The following SDK1 variants were observed in gnomAD, a reference collection of about 807,000 sequenced individuals.
The protein encoded by SDK1 is protein sidekick-1.
Under a neutral mutation model 245.5 loss-of-function variants are expected in SDK1, and 157 were observed. That is an observed-to-expected ratio of 0.64 (90% CI 0.56 to 0.73). The LOEUF (loss-of-function observed/expected upper bound fraction) is 0.73. Among genes scored for constraint, SDK1 ranks in the 30% least tolerant of loss-of-function variants. The probability of loss-of-function intolerance (pLI) is 0.00; values close to 1 mark genes in which losing one functional copy is unlikely to be tolerated. For missense variants in SDK1, 3,583 were observed against 3,002.3 expected, an observed-to-expected ratio of 1.19 and a Z score of -4.52; for synonymous variants, 1,647 against 1,278.5, an observed-to-expected ratio of 1.29 and a Z score of -6.15.
rs182006976 is a variant in SDK1 at position 4,173,538 on chromosome 7, A to G, written c.4801-684A>G. Among the ~76,000 whole-genome samples the G allele has an allele frequency of 5.7e-4, 87 of 152,302 alleles. 2 individuals are homozygous for G. Among genetic ancestry groups the G allele is most frequent in the Non-Finnish European group, 1.1e-3 (76 of 68,024 alleles). ...ACTTCCTTATCTGCCTGTGCTCCCT[A>G]TTCCATGGGAGTCTAATGTGTGTCT... On this transcript the variant is annotated intron_variant, in intron 32 of 44. Transcript: ENST00000404826.
chr7:3,656,519 A>G (rs1402771484), intron 4 of SDK1, among the ~76,000 whole-genome samples: 2 of 152,294 alleles, frequency 1.3e-5, no homozygotes, highest in East Asian at 3.9e-4. Flanking sequence ...TGCTGGAGTC[A>G]AAAATTAAGA....
chr7:4,145,607 G>C (rs1779912239), intron 28 of SDK1, 115 bp from the exon 29 acceptor site: 3 of 914,028 alleles, frequency 3.3e-6, no homozygotes, highest in African/African-American at 1.7e-5. Context: ...GTGACCTCCA[G>C]AGACGGGGAA....
chr7:3,835,086 T>C (rs1362476763), intron 5 of SDK1, among the ~76,000 whole-genome samples: 1 of 152,156 alleles, frequency 6.6e-6, no homozygotes, highest in East Asian at 1.9e-4. Flanking sequence ...ACTTCACATA[T>C]CACAGTTGAT....
intron 1 of SDK1, among the ~76,000 whole-genome samples, chr7:3,544,489 T>C (rs1399488419): frequency 6.6e-6 from 1 of 152,172 alleles, no homozygotes; most frequent in Non-Finnish European, 1.5e-5. Context: ...TCACTTCTGC[T>C]CTCTTGGCTT....
chr7:4,238,105 A>C (rs1373036120), intron 42 of SDK1, among the ~76,000 whole-genome samples: 1 of 150,346 alleles, frequency 6.7e-6, no homozygotes, highest in South Asian at 2.1e-4. Flanking sequence ...TTTTTTTTAC[A>C]GTCTCACTCT....
At chr7:3,958,787 G>C (rs1416714869) in intron 7 of SDK1, 144 bp from the exon 8 acceptor site, 2 of 702,232 alleles carry the variant, frequency 2.8e-6, no homozygotes, top group East Asian at 5.1e-5. Context: ...TGCTCACTGA[G>C]TTCTGAGTTT....
At chr7:3,914,211 G>T (rs1385436233) in intron 5 of SDK1, among the ~76,000 whole-genome samples, 4 of 152,160 alleles carry the variant, frequency 2.6e-5, no homozygotes, top group Non-Finnish European at 4.4e-5. Context: ...AGTTGCTGCT[G>T]CAATATGCTT....
chr7:4,061,654 A>G (rs1199735843), intron 19 of SDK1, among the ~76,000 whole-genome samples: 1 of 152,154 alleles, frequency 6.6e-6, no homozygotes, highest in Non-Finnish European at 1.5e-5. Flanking sequence ...ATGACTATAA[A>G]TCATGCTGCT....
chr7:3,748,480 G>T lies in SDK1; in HGVS notation c.714-72970G>T, dbSNP rs941013395. On this transcript the variant is annotated intron_variant, in intron 4 of 44. Transcript: ENST00000404826. The stretch of plus-strand genomic sequence containing the variant: ...TAAATGGCGAGTAGTCAGGTCCAGT[G>T]TTGGCTTTTGTCCCTGTGAGGTCTC... Among the ~76,000 whole-genome samples, 4 of 152,208 alleles carry T rather than the reference G, an allele frequency of 2.6e-5. No individual in the cohort carries two copies. In the East Asian group the frequency reaches 7.7e-4, roughly 29 times the overall value.
At chr7:4,086,907 A>G (rs886969388) in intron 22 of SDK1, among the ~76,000 whole-genome samples, 1 of 152,070 alleles carries the variant, frequency 6.6e-6, no homozygotes, top group Non-Finnish European at 1.5e-5. Flanking sequence ...ATTCCCAGGC[A>G]TGGGTTGGCT....
rs568917016 is a variant in SDK1, at chr7:4,066,996, G to C, written c.2912-842G>C. Among the ~76,000 whole-genome samples the C allele has an allele frequency of 2.0e-5, 3 of 152,324 alleles. No homozygotes were observed. In the South Asian group the frequency reaches 6.2e-4, roughly 32 times the overall value. On this transcript the variant is annotated intron_variant, in intron 19 of 44. Transcript: ENST00000404826. ...GGAATGAGTTTATGTTCTGATGAGA[G>C]GTTCATCATCATGACAGCGGCTGAT...
intron 4 of SDK1, among the ~76,000 whole-genome samples, chr7:3,655,160 C>G (rs1783123285): frequency 6.6e-6 from 1 of 151,118 alleles, no homozygotes; most frequent in African/African-American, 2.4e-5. Flanking sequence ...AAAGGCCAGG[C>G]AGGTGACTCA....
chr7:4,029,077 G>C (rs1787583451), intron 17 of SDK1, among the ~76,000 whole-genome samples: 1 of 117,402 alleles, frequency 8.5e-6, no homozygotes, highest in Non-Finnish European at 1.7e-5. Flanking sequence ...GGGGGTCACT[G>C]AATTGATAGA....
intron 31 of SDK1, among the ~76,000 whole-genome samples, chr7:4,159,184 G>A (rs576478961): frequency 2.0e-4 from 30 of 152,290 alleles, no homozygotes; most frequent in East Asian, 7.7e-4. Flanking sequence ...CATCATTCCC[G>A]CAACCTATCC....
intron 4 of SDK1, among the ~76,000 whole-genome samples, chr7:3,809,424 A>T (rs1779330569): frequency 6.6e-6 from 1 of 152,168 alleles, no homozygotes; most frequent in Non-Finnish European, 1.5e-5. Context: ...CGTATCCCTG[A>T]GATCAGCTGT....
In SDK1 at chr7:4,245,811, TG is replaced by T; in HGVS notation, c.6381+7del. On this transcript the variant is annotated splice_region_variant and intron_variant, in intron 44 of 44. Coordinates refer to ENST00000404826, the MANE Select transcript of SDK1 (RefSeq NM_152744.4). ...CAGATGCATCAGAATCTGAGGTCAG[TG>T]TCGGTGCCTACTTCCGGGCAGTGAC... 1 of 1,613,694 alleles carries T rather than the reference TG, an allele frequency of 6.2e-7. No individual in the cohort carries two copies. Among genetic ancestry groups the T allele is most frequent in the Non-Finnish European group, 8.5e-7 (1 of 1,179,858 alleles).
intron 4 of SDK1, among the ~76,000 whole-genome samples, chr7:3,732,397 C>T (rs994092382): frequency 1.3e-5 from 2 of 152,060 alleles, no homozygotes; most frequent in Middle Eastern, 3.4e-3. Context: ...TCTAAAAGTC[C>T]GAGGAAAGAT....
intron 1 of SDK1, among the ~76,000 whole-genome samples, chr7:3,452,594 T>C (rs925311135): frequency 6.6e-6 from 1 of 152,160 alleles, no homozygotes; most frequent in African/African-American, 2.4e-5. Context: ...CATACTAATA[T>C]AAGGCACTCT....
At chr7:3,957,049 A>G (rs1781326211) in intron 7 of SDK1, among the ~76,000 whole-genome samples, 1 of 152,194 alleles carries the variant, frequency 6.6e-6, no homozygotes, top group Non-Finnish European at 1.5e-5. Context: ...GTGAATCTCA[A>G]GGGAACCATG....
Sources: gnomAD v4.1 joint callset for allele counts (sites outside exome capture counted in the v4.1 genomes callset) on GRCh38, gnomAD v4.1.1 for gene constraint, MANE v1.5 for transcripts, NCBI Gene and HGNC (gene_info 2026-07-23, HGNC 2026-07-21) for gene names.